Variants in FOCAD observed in about 807,000 individuals in gnomAD.
The protein encoded by FOCAD is focadhesin.
In FOCAD, 198 loss-of-function variants were observed where a neutral mutation model predicts 225.6. The observed-to-expected ratio is 0.88, with a 90% confidence interval of 0.78 to 0.99. FOCAD has a LOEUF of 0.99. Among genes scored for constraint, FOCAD ranks in the 50% least tolerant of loss-of-function variants. The probability of loss-of-function intolerance (pLI) is 0.00; values close to 1 mark genes in which losing one functional copy is unlikely to be tolerated. For missense variants in FOCAD, 2,713 were observed against 2,123.6 expected (o/e 1.28, Z -5.46); for synonymous variants, 897 against 755.0 (o/e 1.19, Z -3.08).
At chr9:20,968,292 T>C (rs1023122106) in intron 35 of FOCAD, among the ~76,000 whole-genome samples, 1 of 152,126 alleles carries the variant, frequency 6.6e-6, no homozygotes, top group African/African-American at 2.4e-5. Flanking sequence ...GCAAGGTCCA[T>C]ACAAATGTTT....
intron 1 of FOCAD, among the ~76,000 whole-genome samples, chr9:20,693,576 T>C (rs1207317496): frequency 6.6e-6 from 1 of 152,238 alleles, no homozygotes; most frequent in Non-Finnish European, 1.5e-5. Context: ...TAAATATTTC[T>C]TAAATGGAGG....
At chr9:20,940,224 A>C (rs1436649854) in intron 28 of FOCAD, among the ~76,000 whole-genome samples, 1 of 151,324 alleles carries the variant, frequency 6.6e-6, no homozygotes, top group Non-Finnish European at 1.5e-5. Context: ...ACGGTTAATG[A>C]AGTTTAGTGC....
intron 10 of FOCAD, among the ~76,000 whole-genome samples, 170 bp from the exon 11 acceptor site, chr9:20,789,181 A>C (rs1820260986): frequency 6.6e-6 from 1 of 152,166 alleles, no homozygotes; most frequent in African/African-American, 2.4e-5. Context: ...CTCTTTGTGT[A>C]ATCCTATTAC....
intron 34 of FOCAD, among the ~76,000 whole-genome samples, chr9:20,952,055 A>G (rs1837733288): frequency 6.6e-6 from 1 of 152,216 alleles, no homozygotes; most frequent in African/African-American, 2.4e-5. Flanking sequence ...TAAAGTTACC[A>G]TATTAAAATG....
chr9:20,787,889 A>T (rs1400586976), intron 10 of FOCAD, among the ~76,000 whole-genome samples: 1 of 152,088 alleles, frequency 6.6e-6, no homozygotes, highest in Non-Finnish European at 1.5e-5. Flanking sequence ...GAATCTTTTT[A>T]TATCAATACA....
At chr9:20,659,440 A>AAGAAAGAAAGAAAGAAAGAAAGAAATAC (rs71334544) in intron 2 of FOCAD, among the ~76,000 whole-genome samples, 1 of 145,070 alleles carries the variant, frequency 6.9e-6, no homozygotes, top group South Asian at 2.3e-4. Flanking sequence ...GAAAGAAAGA[A>AAGAAAGAAAGAAAGAAAGAAAGAAATAC]AGACAGACAG....
At chr9:20,989,291 T>C (rs1246755363) in intron 41 of FOCAD, among the ~76,000 whole-genome samples, 3 of 152,182 alleles carry the variant, frequency 2.0e-5, no homozygotes, top group African/African-American at 7.2e-5. Flanking sequence ...CTTTTTAAAC[T>C]TTTTTTGAAC....
intron 2 of FOCAD, among the ~76,000 whole-genome samples, chr9:20,660,144 C>T (rs973068008): frequency 1.3e-5 from 2 of 151,986 alleles, no homozygotes; most frequent in Non-Finnish European, 2.9e-5. Flanking sequence ...GATGTGGAGA[C>T]GAGGAGATAA....
chr9:20,853,628 A>G (rs1026334760), intron 15 of FOCAD, among the ~76,000 whole-genome samples: 2 of 151,754 alleles, frequency 1.3e-5, no homozygotes, highest in Non-Finnish European at 1.5e-5. Context: ...ATTCTTTGCC[A>G]TGAACAGGAC....
chr9:20,977,561 C>G (rs910263421), intron 36 of FOCAD, among the ~76,000 whole-genome samples: 9 of 152,176 alleles, frequency 5.9e-5, no homozygotes, highest in Non-Finnish European at 1.0e-4. Flanking sequence ...GCAATTTAAA[C>G]AGTGTTGTAA....
At chr9:20,755,608 A>G (rs1379543950) in intron 5 of FOCAD, among the ~76,000 whole-genome samples, 1 of 152,176 alleles carries the variant, frequency 6.6e-6, no homozygotes. Context: ...TCGGTGCCTT[A>G]TGACCATACA....
chr9:20,686,302 G>A (rs562520357), intron 1 of FOCAD, among the ~76,000 whole-genome samples: 3 of 152,058 alleles, frequency 2.0e-5, no homozygotes, highest in African/African-American at 4.8e-5. Flanking sequence ...GATTACAGGC[G>A]CATGCCACCA....
intron 5 of FOCAD, among the ~76,000 whole-genome samples, chr9:20,748,992 C>T (rs1563940992): frequency 6.6e-6 from 1 of 152,086 alleles, no homozygotes; most frequent in Non-Finnish European, 1.5e-5. Flanking sequence ...GTAGTTTTTG[C>T]CTATTATCCT....
chr9:20,778,902 AT>A (rs1163350110), intron 9 of FOCAD, 134 bp downstream of exon 9: 39 of 502,318 alleles, frequency 7.8e-5, no homozygotes, highest in East Asian at 1.2e-4. Flanking sequence ...ATTAAATAGA[AT>A]TTTTTTTCTT....
At chr9:20,688,294 A>G (rs976774626) in intron 1 of FOCAD, among the ~76,000 whole-genome samples, 13 of 152,164 alleles carry the variant, frequency 8.5e-5, no homozygotes, top group Admixed American at 8.5e-4. Context: ...GCTGCTGGAG[A>G]GAAGAGGATG....
intron 5 of FOCAD, among the ~76,000 whole-genome samples, chr9:20,748,065 T>TATTTC (rs1828216866): frequency 4.6e-5 from 7 of 152,028 alleles, no homozygotes; most frequent in Admixed American, 4.6e-4. Flanking sequence ...GGGGGTTGAT[T>TATTTC]ATTTCATTAC....
intron 27 of FOCAD, among the ~76,000 whole-genome samples, chr9:20,930,879 A>T (rs1486510448): frequency 2.6e-5 from 4 of 152,212 alleles, no homozygotes; most frequent in Non-Finnish European, 5.9e-5. Context: ...AACACAAACT[A>T]TTTTTAAAGA....
Position 20,923,692 on chromosome 9 carries a change from T to C in FOCAD, c.2885T>C (p.Leu962Ser). 6.2e-7 allele frequency: 1 copy of C among 1,614,114 alleles called. No homozygotes were observed. Among genetic ancestry groups the C allele is most frequent in the Non-Finnish European group, 8.5e-7 (1 of 1,179,958 alleles). ...CCGGTAGTGAAAGGCAATGCGCTGT[T>C]AGCTCTAAGCAGCCTTGCTGTCGTC... is the stretch of plus-strand genomic sequence containing the variant. The part of the protein sequence containing the change: ...ESPVVKGNAL[L>S]ALSSLAVVVS... Residue 962 changes from leucine (L) to serine (S), a missense_variant, in exon 25 of 44, where the codon TTA (leucine) becomes TCA (serine). Transcript: ENST00000338382.
intron 22 of FOCAD, among the ~76,000 whole-genome samples, chr9:20,910,030 A>G (rs1304219449): frequency 1.3e-5 from 2 of 152,094 alleles, no homozygotes; most frequent in Non-Finnish European, 2.9e-5. Flanking sequence ...TTAGGATGTA[A>G]GTCTGAGATC....
Sources: gnomAD v4.1 joint callset for allele counts (sites outside exome capture counted in the v4.1 genomes callset) on GRCh38, gnomAD v4.1.1 for gene constraint, MANE v1.5 for transcripts, NCBI Gene and HGNC (gene_info 2026-07-23, HGNC 2026-07-21) for gene names.